SYT14: variants seen among roughly 807,000 people sequenced by gnomAD.
The protein encoded by SYT14 is synaptotagmin 14, also known as synaptotagmin-14.
SYT14 carries 32 observed loss-of-function variants against 74.2 expected under a neutral mutation model. The observed-to-expected ratio is 0.43, with a 90% CI of 0.33 to 0.58. The LOEUF is 0.58. Ranked by LOEUF, SYT14 falls within the 20% of genes least tolerant of loss-of-function variation. The pLI is 0.05. For missense variants in SYT14, 791 were observed against 981.8 expected, an observed-to-expected ratio of 0.81 and a Z score of 2.60; for synonymous variants, 298 against 337.7, an observed-to-expected ratio of 0.88 and a Z score of 1.29.
At chr1:209,978,618 G>C (rs970764378) in intron 2 of SYT14, among the ~76,000 whole-genome samples, 6 of 152,152 alleles carry the variant, frequency 3.9e-5, no homozygotes, top group East Asian at 1.9e-4. Context: ...TGCCCCTACT[G>C]GGGGGTGCCT....
chr1:209,948,977 G>A (rs7528647), intron 1 of SYT14, among the ~76,000 whole-genome samples: 99,522 of 152,072 alleles, frequency 0.65, 33,469 homozygotes, highest in East Asian at 0.85. Flanking sequence ...CCTCTTGTGC[G>A]TTACACTGTT....
intron 5 of SYT14, among the ~76,000 whole-genome samples, chr1:210,073,366 C>T (rs2081430697): frequency 1.3e-5 from 2 of 151,936 alleles, no homozygotes; most frequent in African/African-American, 2.4e-5. Flanking sequence ...TTGTGAAGCA[C>T]TTAACTGCTT....
intron 2 of SYT14, among the ~76,000 whole-genome samples, chr1:209,989,072 C>A (rs1004531050): frequency 6.6e-6 from 1 of 151,974 alleles, no homozygotes; most frequent in East Asian, 1.9e-4. Flanking sequence ...CATTTTTTTT[C>A]TTCCTCTGAA....
At chr1:210,055,495 G>GT (rs372338162) in intron 5 of SYT14, among the ~76,000 whole-genome samples, 1 of 151,978 alleles carries the variant, frequency 6.6e-6, no homozygotes, top group African/African-American at 2.4e-5. Context: ...GGCAAAATAT[G>GT]TTTTTTTTCC....
chr1:210,074,578 G>A (rs1190089748), intron 5 of SYT14, among the ~76,000 whole-genome samples: 3 of 152,230 alleles, frequency 2.0e-5, no homozygotes, highest in Non-Finnish European at 4.4e-5. Flanking sequence ...CTGTTAGGAT[G>A]TTCTCAGGTG....
intron 5 of SYT14, among the ~76,000 whole-genome samples, chr1:210,043,611 G>A (rs1572204664): frequency 6.6e-6 from 1 of 152,144 alleles, no homozygotes; most frequent in Admixed American, 6.5e-5. Flanking sequence ...CTTGGATGCA[G>A]TATGGGGGCT....
chr1:210,085,631 ATTAC>A (rs1221774992), intron 5 of SYT14, among the ~76,000 whole-genome samples: 2 of 152,186 alleles, frequency 1.3e-5, no homozygotes, highest in African/African-American at 4.8e-5. Context: ...CAATTATCAT[ATTAC>A]TTTTTATATT....
At chr1:210,102,166 TG>T (rs1483868265) in intron 7 of SYT14, among the ~76,000 whole-genome samples, 2 of 152,140 alleles carry the variant, frequency 1.3e-5, no homozygotes, top group Admixed American at 1.3e-4. Context: ...ACTTGTGTCA[TG>T]GGGGTTTGTT....
chr1:210,062,369 AAGATAGTG>A (rs1421926637), intron 5 of SYT14, among the ~76,000 whole-genome samples: 1 of 151,906 alleles, frequency 6.6e-6, no homozygotes, highest in Admixed American at 6.6e-5. Flanking sequence ...ACAAATATAA[AAGATAGTG>A]TCTGATAAGT....
chr1:210,100,435 A>G, exon 7 of SYT14: 1 of 1,613,268 alleles, frequency 6.2e-7, no homozygotes, highest in Non-Finnish European at 8.5e-7. Flanking sequence ...ATTGCCTGTG[A>G]TATTGGAACC....
At chr1:210,148,153 T>C (rs1029888417) in intron 7 of SYT14, among the ~76,000 whole-genome samples, 1 of 152,124 alleles carries the variant, frequency 6.6e-6, no homozygotes, top group African/African-American at 2.4e-5. Context: ...TTGGAAATAC[T>C]TACGCACAAA....
At chr1:209,938,245 CG>C (rs774743444) in exon 1 of SYT14, 2 of 1,548,772 alleles carry the variant, frequency 1.3e-6, no homozygotes, top group Non-Finnish European at 1.7e-6. Flanking sequence ...CCAGTTGGTG[CG>C]GTCCATGGCG....
chr1:210,125,404 G>A (rs2082549682), intron 7 of SYT14, among the ~76,000 whole-genome samples: 2 of 152,108 alleles, frequency 1.3e-5, no homozygotes, highest in African/African-American at 4.8e-5. Flanking sequence ...CTTTTTTAGG[G>A]CTATGGTATT....
At chr1:210,160,855 T>G in exon 10 of SYT14, 1 of 1,614,012 alleles carries the variant, frequency 6.2e-7, no homozygotes, top group Non-Finnish European at 8.5e-7. Context: ...GTGGCCCTAT[T>G]TCAGCTTTCT....
chr1:210,170,377 T>A (rs1474275643), exon 10 of SYT14: 1 of 152,120 alleles, frequency 6.6e-6, no homozygotes, highest in Non-Finnish European at 1.5e-5. Flanking sequence ...TGCATTTTAT[T>A]CTCATGTCGA....
At chr1:210,036,507 T>C (rs538564259) in intron 5 of SYT14, among the ~76,000 whole-genome samples, 1 of 152,172 alleles carries the variant, frequency 6.6e-6, no homozygotes, top group Non-Finnish European at 1.5e-5. Flanking sequence ...CCTTGTCTTG[T>C]TCCAGTTCTT....
chr1:209,975,282 G>A (rs577643325), intron 2 of SYT14, among the ~76,000 whole-genome samples: 4 of 152,300 alleles, frequency 2.6e-5, no homozygotes, highest in African/African-American at 9.6e-5. Flanking sequence ...CCTGTCTTGT[G>A]TCAGTTTTCA....
At chr1:210,021,381 G>T in intron 5 of SYT14, 127 bp downstream of exon 4, 2 of 941,544 alleles carry the variant, frequency 2.1e-6, no homozygotes, top group South Asian at 1.5e-5. Flanking sequence ...CACATTTCTG[G>T]GAATGTAATT....
At chr1:210,018,946 G>C (rs1056047859) in intron 4 of SYT14, among the ~76,000 whole-genome samples, 7 of 151,860 alleles carry the variant, frequency 4.6e-5, no homozygotes, top group African/African-American at 1.5e-4. Flanking sequence ...GACCATCCTG[G>C]CCAACATGGT....
Sources: allele counts gnomAD v4.1 joint callset (sites outside exome capture counted in the v4.1 genomes callset), GRCh38; gene constraint gnomAD v4.1.1; transcripts MANE v1.5; gene names NCBI Gene and HGNC (gene_info 2026-07-23, HGNC 2026-07-21).